The following GPHN variants were observed in gnomAD, a reference collection of about 807,000 sequenced individuals.
GPHN encodes the protein gephyrin.
Under a neutral mutation model 95.5 loss-of-function variants are expected in GPHN, and 17 were observed. The observed-to-expected ratio is 0.18, with a 90% CI of 0.12 to 0.27. The LOEUF (loss-of-function observed/expected upper bound fraction) is 0.27, where lower values mean the gene tolerates loss of function less well. GPHN is among the 10% of genes least tolerant of loss of function. GPHN has a pLI of 1.00. For synonymous variants in GPHN, 320 were observed against 322.5 expected (o/e 0.99, Z 0.08); for missense variants, 660 against 978.1 (o/e 0.67, Z 4.34).
intron 1 of GPHN, among the ~76,000 whole-genome samples, chr14:66,535,590 A>G (rs1267854486): frequency 6.6e-6 from 1 of 152,212 alleles, no homozygotes; most frequent in African/African-American, 2.4e-5. Flanking sequence ...CTTCTAGTCC[A>G]TGAACATGGA....
the GPHN span, among the ~76,000 whole-genome samples, chr14:67,463,843 T>C: frequency 6.6e-6 from 1 of 152,222 alleles, no homozygotes; most frequent in East Asian, 1.9e-4. Context: ...CAAAGTCATA[T>C]AGACAGTAAG....
At chr14:67,705,216 T>C in the GPHN span, among the ~76,000 whole-genome samples, 1 of 152,126 alleles carries the variant, frequency 6.6e-6, no homozygotes, top group Non-Finnish European at 1.5e-5. Context: ...CATACTGGAG[T>C]TGTCCTTTTT....
intron 8 of GPHN, among the ~76,000 whole-genome samples, chr14:66,959,397 G>T (rs753305953): frequency 6.6e-6 from 1 of 151,828 alleles, no homozygotes; most frequent in Non-Finnish European, 1.5e-5. Flanking sequence ...TTACTATCTA[G>T]TTTCTTTTTA....
intron 17 of GPHN, among the ~76,000 whole-genome samples, chr14:67,140,995 C>A (rs1049170995): frequency 6.6e-6 from 1 of 150,888 alleles, no homozygotes; most frequent in African/African-American, 2.4e-5. Context: ...TTTTTTAAGT[C>A]TTTAATGTTT....
At chr14:66,877,497 GC>G (rs2063725086) in intron 4 of GPHN, among the ~76,000 whole-genome samples, 1 of 152,156 alleles carries the variant, frequency 6.6e-6, no homozygotes, top group Non-Finnish European at 1.5e-5. Flanking sequence ...CATTGTCTCA[GC>G]CCAAAATCTC....
intron 10 of GPHN, among the ~76,000 whole-genome samples, chr14:67,056,035 A>G (rs145304239): frequency 0.012 from 1,836 of 152,336 alleles, 19 homozygotes; most frequent in Non-Finnish European, 0.018. Context: ...CACGGACCCA[A>G]AGAGTGAGCA....
intron 6 of GPHN, among the ~76,000 whole-genome samples, chr14:66,921,541 C>G (rs1279114202): frequency 6.6e-6 from 1 of 151,442 alleles, no homozygotes; most frequent in Non-Finnish European, 1.5e-5. Flanking sequence ...TTACAAAACA[C>G]TGCTGAAAGC....
chr14:67,323,717 C>A, the GPHN span: 1 of 1,576,912 alleles, frequency 6.3e-7, no homozygotes, highest in Non-Finnish European at 8.6e-7. Flanking sequence ...GAAGACTCTC[C>A]GGAATTCAGA....
At chr14:67,022,541 CTTTTTTT>C (rs1214143019) in intron 9 of GPHN, among the ~76,000 whole-genome samples, 78 of 18,872 alleles carry the variant, frequency 4.1e-3, no homozygotes, top group East Asian at 0.024. Context: ...ATTATTTTTC[CTTTTTTT>C]TTTTTTTTTT....
the GPHN span, among the ~76,000 whole-genome samples, chr14:67,343,592 G>A: frequency 2.0e-5 from 3 of 152,222 alleles, no homozygotes; most frequent in Non-Finnish European, 1.5e-5. Flanking sequence ...TAGGCTGGGC[G>A]CATGGCTCAC....
At chr14:67,562,786 A>T in the GPHN span, 1 of 1,613,828 alleles carries the variant, frequency 6.2e-7, no homozygotes, top group Non-Finnish European at 8.5e-7. Flanking sequence ...CACCCCCAGC[A>T]GGGAAGAATG....
At chr14:66,873,170 T>C (rs1369135276) in intron 4 of GPHN, among the ~76,000 whole-genome samples, 1 of 152,142 alleles carries the variant, frequency 6.6e-6, no homozygotes, top group Non-Finnish European at 1.5e-5. Context: ...CAGGAAGCAC[T>C]AGGGATCAGG....
chr14:67,508,205 C>T, the GPHN span, among the ~76,000 whole-genome samples: 1 of 151,704 alleles, frequency 6.6e-6, no homozygotes, highest in Non-Finnish European at 1.5e-5. Context: ...CCAGCTCTGA[C>T]TTTGTTCCTT....
At chr14:67,584,300 C>T in the GPHN span, among the ~76,000 whole-genome samples, 1 of 152,208 alleles carries the variant, frequency 6.6e-6, no homozygotes, top group African/African-American at 2.4e-5. Context: ...ATTGTGATTG[C>T]TTATCTTCAT....
chr14:67,346,914 C>CT, the GPHN span, among the ~76,000 whole-genome samples: 1 of 152,172 alleles, frequency 6.6e-6, no homozygotes, highest in Non-Finnish European at 1.5e-5. Context: ...GCAAGTGATT[C>CT]TACATTGATA....
chr14:67,423,189 A>G, the GPHN span, among the ~76,000 whole-genome samples: 3 of 151,978 alleles, frequency 2.0e-5, no homozygotes, highest in African/African-American at 4.8e-5. Flanking sequence ...AGCAACAAAC[A>G]TTCTCTCAAA....
the GPHN span, among the ~76,000 whole-genome samples, chr14:67,444,017 G>A: frequency 3.3e-5 from 5 of 152,218 alleles, no homozygotes; most frequent in African/African-American, 9.6e-5. Context: ...TCTTTGGAGA[G>A]GCTAATCAGA....
At chr14:67,148,558 C>CTTTTTTT (rs368140123) in intron 18 of GPHN, among the ~76,000 whole-genome samples, 3 of 109,058 alleles carry the variant, frequency 2.8e-5, no homozygotes, top group African/African-American at 3.8e-5. Flanking sequence ...ACTTTATTTG[C>CTTTTTTT]TTTTTTTTTT....
At chr14:67,511,360 A>T in the GPHN span, among the ~76,000 whole-genome samples, 8 of 119,048 alleles carry the variant, frequency 6.7e-5, no homozygotes, top group South Asian at 2.8e-4. Flanking sequence ...AAAACAAAAA[A>T]ACAAAAAAAA....
Sources: gnomAD v4.1 joint callset for allele counts (sites outside exome capture counted in the v4.1 genomes callset) on GRCh38, gnomAD v4.1.1 for gene constraint, MANE v1.5 for transcripts, NCBI Gene and HGNC (gene_info 2026-07-23, HGNC 2026-07-21) for gene names.